The following NAV1 variants were observed in gnomAD, a reference collection of about 807,000 sequenced individuals.
The protein encoded by NAV1 is pore membrane and/or filament interacting like protein 3.
In NAV1, 18 loss-of-function variants were observed where a neutral mutation model predicts 175.2. The ratio of observed to expected loss-of-function variants is 0.10; its 90% CI spans 0.07 to 0.15. The LOEUF (loss-of-function observed/expected upper bound fraction) is 0.15, where lower values mean the gene tolerates loss of function less well. Ranked by LOEUF, NAV1 falls within the 10% of genes least tolerant of loss-of-function variation. The pLI, the probability that NAV1 is intolerant of heterozygous loss-of-function variation, is 1.00. For missense variants in NAV1, 1,731 were observed against 2,436.6 expected (o/e 0.71, Z 6.10); for synonymous variants, 897 against 978.7 (o/e 0.92, Z 1.56).
chr1:201,803,546 C>T (rs1254427662), intron 15 of NAV1, 47 bp from the exon 20 acceptor site: 2 of 1,581,448 alleles, frequency 1.3e-6, no homozygotes, highest in East Asian at 2.3e-5. Flanking sequence ...AGTCTCACAT[C>T]CTCTCTAAAT....
intron 3 of NAV1, among the ~76,000 whole-genome samples, chr1:201,772,286 A>T (rs749833768): frequency 6.6e-6 from 1 of 152,248 alleles, no homozygotes. Context: ...GAAAATGCCT[A>T]TGTGAAATAT....
intron 15 of NAV1, chr1:201,798,751 G>A (rs577408028): frequency 5.8e-5 from 7 of 120,836 alleles, no homozygotes; most frequent in African/African-American, 2.0e-4. Flanking sequence ...TGCCCAGACT[G>A]GAGTGCAGTG....
intron 1 of NAV1, among the ~76,000 whole-genome samples, chr1:201,687,333 T>C (rs1038943916): frequency 2.0e-5 from 3 of 152,188 alleles, no homozygotes; most frequent in African/African-American, 7.2e-5. Context: ...ATACATCTAT[T>C]GTGTATCCAG....
chr1:201,784,914 G>A lies in NAV1; in HGVS notation c.2805-396G>A, dbSNP rs761486256. 1.3e-4 allele frequency among the ~76,000 whole-genome samples: 19 copies of A among 151,920 alleles called. No homozygotes were observed. In the East Asian group the frequency reaches 1.9e-3, roughly 16 times the overall value. ...TCCCGAGTAGCTGGGGACTACAGGC[G>A]CCCACCACTGCGTCTGGCTAATTTT... On this transcript the variant is annotated intron_variant, in intron 7 of 29. Coordinates refer to ENST00000367296, the Ensembl canonical transcript of NAV1.
chr1:201,671,098 A>T (rs1472733977), intron 1 of NAV1, among the ~76,000 whole-genome samples: 1 of 152,164 alleles, frequency 6.6e-6, no homozygotes, highest in Non-Finnish European at 1.5e-5. Flanking sequence ...GCTAAAGATG[A>T]TGTCTAAAGG....
exon 30 of NAV1, chr1:201,822,100 C>T (rs774206004): frequency 6.6e-6 from 1 of 152,656 alleles, no homozygotes; most frequent in Non-Finnish European, 1.5e-5. Context: ...TGACAGGGTT[C>T]TGTATGATGG....
At chr1:201,630,838 T>C (rs970594696) in intron 2 of NAV1, among the ~76,000 whole-genome samples, 10 of 152,220 alleles carry the variant, frequency 6.6e-5, no homozygotes, top group African/African-American at 2.4e-4. Context: ...ATTTGCAGTT[T>C]TGTTAGTGTA....
At chr1:201,629,734 C>T (rs1341457857) in intron 2 of NAV1, among the ~76,000 whole-genome samples, 1 of 152,128 alleles carries the variant, frequency 6.6e-6, no homozygotes, top group Non-Finnish European at 1.5e-5. Flanking sequence ...CAGGGGATGC[C>T]CAGGCTATGG....
chr1:201,616,127 C>T (rs1667996570), intron 2 of NAV1, among the ~76,000 whole-genome samples: 1 of 152,162 alleles, frequency 6.6e-6, no homozygotes, highest in African/African-American at 2.4e-5. Context: ...CACAGCAATC[C>T]TATGAGTAGA....
At chr1:201,623,040 A>G in exon 1 of NAV1, 1 of 985,846 alleles carries the variant, frequency 1.0e-6, no homozygotes, top group Non-Finnish European at 1.2e-6. Flanking sequence ...GCCCACAGAG[A>G]GCAGCCTCCC....
chr1:201,698,877 C>G (rs921693934), intron 1 of NAV1, among the ~76,000 whole-genome samples: 2 of 152,228 alleles, frequency 1.3e-5, no homozygotes, highest in African/African-American at 4.8e-5. Context: ...CTGCCGCTAA[C>G]TCAAATATAT....
chr1:201,806,492 G>A (rs1678294217), intron 17 of NAV1, among the ~76,000 whole-genome samples: 1 of 152,008 alleles, frequency 6.6e-6, no homozygotes. Context: ...TTGATCTTAG[G>A]GGCATATGCT....
chr1:201,760,267 G>T (rs1016297203), intron 3 of NAV1, among the ~76,000 whole-genome samples: 1 of 152,172 alleles, frequency 6.6e-6, no homozygotes, highest in Non-Finnish European at 1.5e-5. Context: ...AGGGGTTCGA[G>T]ACTAGCCTTG....
At chr1:201,629,950 C>G (rs1239048278) in intron 2 of NAV1, among the ~76,000 whole-genome samples, 2 of 152,210 alleles carry the variant, frequency 1.3e-5, no homozygotes, top group Non-Finnish European at 2.9e-5. Context: ...ATGTCCCCTT[C>G]CCCGTGTCAT....
intron 15 of NAV1, chr1:201,797,159 G>C (rs551106175): frequency 1.3e-4 from 20 of 152,156 alleles, no homozygotes; most frequent in African/African-American, 4.6e-4. Flanking sequence ...TTTTGTACAT[G>C]GTATGAGGTA....
In NAV1 at chr1:201,718,593, C is replaced by T. The variant is rs1258241210; in HGVS notation, c.1064C>T (p.Ser355Phe). The T allele has an allele frequency of 6.2e-7, 1 of 1,614,186 alleles. No homozygotes were observed. The highest frequency in any genetic ancestry group is 1.1e-5 in the South Asian group (1 of 91,088). Residue 355 changes from serine to phenylalanine, a missense_variant, in exon 3 of 30, where the codon TCC becomes TTC. Ser to Phe is a radical substitution (Grantham distance 155, BLOSUM62 -2). Coordinates refer to ENST00000367296, the Ensembl canonical transcript of NAV1. This position sits in a 1 kb window ranked among gnomAD's most constrained non-coding sequence, Gnocchi z 4.8. ...ATGCACGGCGAACGGGCCCACTACT[C>T]CCACACCATGCCCATGCGCAGCCCC...
intron 1 of NAV1, among the ~76,000 whole-genome samples, chr1:201,571,411 G>A (rs1666540720): frequency 2.0e-5 from 3 of 152,212 alleles, no homozygotes; most frequent in Admixed American, 6.5e-5. Context: ...TTCAGGCCAG[G>A]GTAGAAGATA....
intron 1 of NAV1, among the ~76,000 whole-genome samples, chr1:201,664,796 T>A (rs76897441): frequency 0.022 from 3,384 of 152,268 alleles, 138 homozygotes; most frequent in African/African-American, 0.076. Flanking sequence ...TCCTTGCTCA[T>A]GAGCCGTGGT....
intron 13 of NAV1, chr1:201,792,898 A>G (rs574436527): frequency 6.6e-6 from 1 of 152,286 alleles, no homozygotes; most frequent in Non-Finnish European, 1.5e-5. Context: ...AGTAGGAGCC[A>G]TGAGAGTGCC....
Sources: allele counts gnomAD v4.1 joint callset (sites outside exome capture counted in the v4.1 genomes callset), GRCh38; gene constraint gnomAD v4.1.1; non-coding constraint Gnocchi (gnomAD v3.1); transcripts MANE v1.5; gene names NCBI Gene and HGNC (gene_info 2026-07-23, HGNC 2026-07-21).